TRIM66: variants seen among roughly 807,000 people sequenced by gnomAD.
The protein encoded by TRIM66 is tripartite motif containing 66.
TRIM66 carries 99 observed loss-of-function variants against 148.2 expected under a neutral mutation model. The ratio of observed to expected loss-of-function variants is 0.67; its 90% CI spans 0.57 to 0.79. The LOEUF (loss-of-function observed/expected upper bound fraction) is 0.79. TRIM66 is among the 30% of genes least tolerant of loss of function. The pLI, the probability that TRIM66 is intolerant of heterozygous loss-of-function variation, is 0.00. For missense variants in TRIM66, 1,666 were observed against 1,697.9 expected (o/e 0.98, Z 0.33); for synonymous variants, 616 against 635.9 (o/e 0.97, Z 0.47).
At chr11:8,637,591 C>T (rs1029943514) in intron 15 of TRIM66, among the ~76,000 whole-genome samples, 1 of 152,206 alleles carries the variant, frequency 6.6e-6, no homozygotes, top group South Asian at 2.1e-4. Flanking sequence ...TCAAGTGTCA[C>T]GGAGACTGAC....
At chr11:8,638,471 A>G (rs1445611548) in intron 15 of TRIM66, among the ~76,000 whole-genome samples, 183 bp downstream of exon 15, 3 of 152,138 alleles carry the variant, frequency 2.0e-5, no homozygotes, top group Admixed American at 2.0e-4. Flanking sequence ...GGGAGTGGAA[A>G]TGGGGAGGAG....
At chr11:8,636,321 C>G (rs2035876400) in intron 15 of TRIM66, among the ~76,000 whole-genome samples, 1 of 151,952 alleles carries the variant, frequency 6.6e-6, no homozygotes, top group Admixed American at 6.5e-5. Context: ...AACTCTTTCT[C>G]TACTGCAATG....
At chr11:8,650,859 A>G (rs2037298423) in intron 7 of TRIM66, among the ~76,000 whole-genome samples, 1 of 152,232 alleles carries the variant, frequency 6.6e-6, no homozygotes, top group African/African-American at 2.4e-5. Context: ...AATGTGCTTC[A>G]GAGAGGAGAA....
chr11:8,648,193 G>T, intron 9 of TRIM66, 107 bp from the exon 10 acceptor site: 1 of 1,199,582 alleles, frequency 8.3e-7, no homozygotes, highest in Non-Finnish European at 1.2e-6. Flanking sequence ...ACCCATGGAA[G>T]CTGTGATGAC....
chr11:8,670,896 T>A (rs1288398622), intron 6 of TRIM66, among the ~76,000 whole-genome samples: 1 of 152,364 alleles, frequency 6.6e-6, no homozygotes, highest in Non-Finnish European at 1.5e-5. Context: ...CTATAGTTTT[T>A]AAAACTCTAT....
chr11:8,612,407 C>T lies in TRIM66; in HGVS notation c.*5537G>A, dbSNP rs1195819119. The T allele has an allele frequency of 6.6e-6, 1 of 152,180 alleles. No homozygotes were observed. Among genetic ancestry groups the T allele is most frequent in the Non-Finnish European group, 1.5e-5 (1 of 68,060 alleles). 9.4% of individuals were successfully genotyped at this position (152,180 alleles called of 1,614,324 possible). ...GTTAAAATCATAATTAACATCTTTACAGCTGGAGAGCTGAGAGATCACTGT... is the reference window on the plus strand; with the variant it reads ...GTTAAAATCATAATTAACATCTTTATAGCTGGAGAGCTGAGAGATCACTGT... On this transcript the variant is annotated 3_prime_UTR_variant, in exon 25 of 25. Transcript: ENST00000646038.
At chr11:8,683,193 T>C (rs201767947), upstream of TRIM66, 24 of 1,614,042 alleles carry the variant, frequency 1.5e-5, no homozygotes, top group Non-Finnish European at 1.9e-5. Flanking sequence ...CCAAGCTTTT[T>C]CCACACAGCC....
intron 6 of TRIM66, among the ~76,000 whole-genome samples, chr11:8,656,172 A>C (rs1379438843): frequency 1.3e-5 from 2 of 152,242 alleles, no homozygotes; most frequent in East Asian, 3.8e-4. Context: ...TCCATCTTTT[A>C]ATGAGGATAT....
intron 18 of TRIM66, 31 bp from the exon 19 acceptor site, chr11:8,621,850 G>A (rs1053631602): frequency 4.0e-6 from 6 of 1,507,006 alleles, no homozygotes; most frequent in Middle Eastern, 1.9e-4. Flanking sequence ...CGGGGTCTTG[G>A]TGGGATCCTC....
Position 8,643,109 on chromosome 11 carries a change from C to G in TRIM66, c.1122G>C (p.Gln374His). The change falls in exon 13 of 25, where the codon CAG becomes CAC. Residue 374 changes from glutamine (Q) to histidine (H), a missense_variant. Transcript: ENST00000646038. ...FSKELIVFQMQRLLETSCNTD... is the reference protein window; with the variant it reads ...FSKELIVFQMHRLLETSCNTD... ...TGTTACAACTTGTCTCCAGCAATCGCTGCATCTGAAACACAATCTGACAAC... is the reference window on the plus strand; with the variant it reads ...TGTTACAACTTGTCTCCAGCAATCGGTGCATCTGAAACACAATCTGACAAC... 2 of 1,550,922 alleles carry G rather than the reference C, an allele frequency of 1.3e-6. No individual in the cohort carries two copies. The highest frequency in any genetic ancestry group is 1.7e-6 in the Non-Finnish European group (2 of 1,146,738).
At chr11:8,641,480 CAGACTCTCACAAAAAGAATCAACTTTG>C (rs1029898029) in intron 13 of TRIM66, among the ~76,000 whole-genome samples, 7 of 152,178 alleles carry the variant, frequency 4.6e-5, no homozygotes, top group African/African-American at 1.4e-4. Flanking sequence ...ACAGCCCAAT[CAGACTCTCACAAAAAGAATCAACTTTG>C]GGGTTGGGAG....
At chr11:8,644,670 G>A (rs1050922856) in intron 12 of TRIM66, among the ~76,000 whole-genome samples, 7 of 151,920 alleles carry the variant, frequency 4.6e-5, no homozygotes, top group Admixed American at 1.3e-4. Context: ...ATATACATGT[G>A]TGCAAATGTT....
At chr11:8,676,946 A>G (rs2039206302) in intron 3 of TRIM66, among the ~76,000 whole-genome samples, 1 of 152,228 alleles carries the variant, frequency 6.6e-6, no homozygotes, top group Admixed American at 6.5e-5. Context: ...TTTTATTTAC[A>G]TTTTAAAATG....
chr11:8,644,781 T>C (rs977769929), intron 12 of TRIM66, among the ~76,000 whole-genome samples: 2 of 152,216 alleles, frequency 1.3e-5, no homozygotes, highest in African/African-American at 4.8e-5. Context: ...TCACCACCCA[T>C]CCTCAGTCTC....
chr11:8,620,406 C>G (rs2034092937), intron 21 of TRIM66, 40 bp downstream of exon 21: 1 of 1,549,640 alleles, frequency 6.5e-7, no homozygotes. Flanking sequence ...AAGGGGGCTG[C>G]CAAAGGCAGG....
intron 8 of TRIM66, 59 bp downstream of exon 8, chr11:8,649,681 C>A: frequency 6.5e-7 from 1 of 1,529,440 alleles, no homozygotes; most frequent in Non-Finnish European, 8.8e-7. Flanking sequence ...CTCCAGGGAT[C>A]TTAGGGTTCA....
At chr11:8,654,669 A>G (rs1256880202) in intron 6 of TRIM66, 1 of 152,246 alleles carries the variant, frequency 6.6e-6, no homozygotes, top group African/African-American at 2.4e-5. Context: ...CTCACTTAAC[A>G]TCAGTGGTAG....
At chr11:8,660,795 C>G (rs981542672) in intron 6 of TRIM66, among the ~76,000 whole-genome samples, 1 of 152,134 alleles carries the variant, frequency 6.6e-6, no homozygotes, top group African/African-American at 2.4e-5. Flanking sequence ...GCTGGACCTT[C>G]AAGTTTGTGT....
chr11:8,648,037 C>G lies in TRIM66; in HGVS notation c.775G>C (p.Gly259Arg). 3.2e-6 allele frequency: 5 copies of G among 1,551,736 alleles called. No homozygotes were observed. Among genetic ancestry groups the G allele is most frequent in the Non-Finnish European group, 4.4e-6 (5 of 1,147,008 alleles). ...VLQNQRMLLE[G>R]VTTQVAHKKS... is the part of the protein sequence containing the mutation. ...TTATGTGCCACCTGTGTAGTCACAC[C>G]TTCCAGAAGCATCCTCTGGTTTTGC... is the stretch of plus-strand genomic sequence containing the variant. Residue 259 changes from glycine (G) to arginine (R), a missense_variant, in exon 10 of 25, where the codon GGT (glycine) becomes CGT (arginine). Physicochemically the swap from Gly to Arg is moderately radical, Grantham distance 125. Around this residue, in one of 3 missense-constraint regions of TRIM66, gnomAD observed 1,431 missense variants for 1,412.4 expected, o/e 1.01. Coordinates refer to ENST00000646038, the MANE Select transcript of TRIM66 (RefSeq NM_001388022.1).
Sources: gnomAD v4.1 joint callset for allele counts (sites outside exome capture counted in the v4.1 genomes callset) on GRCh38, gnomAD v4.1.1 for gene constraint, gnomAD v4.1.1 regional missense constraint, MANE v1.5 for transcripts, NCBI Gene and HGNC (gene_info 2026-07-23, HGNC 2026-07-21) for gene names.